The following LRMDA variants were observed in gnomAD, a reference collection of about 807,000 sequenced individuals.
LRMDA encodes the protein leucine rich melanocyte differentiation associated, also known as leucine-rich melanocyte differentiation-associated protein.
A neutral mutation model predicts 29.8 loss-of-function variants in LRMDA; 18 were observed. That is an observed-to-expected ratio of 0.60 (90% confidence interval 0.42 to 0.90). LRMDA has a LOEUF of 0.90. LRMDA is among the 40% of genes least tolerant of loss of function. LRMDA has a pLI of 0.00. For missense variants in LRMDA, 273 were observed against 273.9 expected, an observed-to-expected ratio of 1.00 and a Z score of 0.02; for synonymous variants, 125 against 109.4, an observed-to-expected ratio of 1.14 and a Z score of -0.89.
intron 2 of LRMDA, among the ~76,000 whole-genome samples, chr10:75,930,689 C>T (rs912215946): frequency 2.0e-5 from 3 of 152,166 alleles, no homozygotes; most frequent in Admixed American, 2.0e-4. Context: ...CATCTATCTC[C>T]ACTCCTATGC....
intron 5 of LRMDA, among the ~76,000 whole-genome samples, chr10:76,224,667 CTTTTTTTT>C (rs35143239): frequency 9.5e-6 from 1 of 105,376 alleles, no homozygotes; most frequent in African/African-American, 3.4e-5. Flanking sequence ...GTCTAGGACT[CTTTTTTTT>C]TTTTTTTTTT....
At chr10:76,197,044 C>T (rs1468329738) in intron 5 of LRMDA, among the ~76,000 whole-genome samples, 1 of 152,170 alleles carries the variant, frequency 6.6e-6, no homozygotes, top group Non-Finnish European at 1.5e-5. Context: ...GGTCTGATTC[C>T]TCTTTCACAT....
At chr10:75,459,807 T>C (rs1844563731) in intron 2 of LRMDA, among the ~76,000 whole-genome samples, 1 of 152,186 alleles carries the variant, frequency 6.6e-6, no homozygotes, top group African/African-American at 2.4e-5. Context: ...CATCATCGCA[T>C]GGTGGAAGTG....
At chr10:75,799,114 G>T (rs1843703452) in intron 2 of LRMDA, among the ~76,000 whole-genome samples, 2 of 152,176 alleles carry the variant, frequency 1.3e-5, no homozygotes, top group African/African-American at 4.8e-5. Flanking sequence ...AAGAGTTTCT[G>T]TGAGTTCTGA....
intron 2 of LRMDA, among the ~76,000 whole-genome samples, chr10:75,794,039 C>G (rs1843612438): frequency 6.6e-6 from 1 of 152,196 alleles, no homozygotes; most frequent in Admixed American, 6.5e-5. Context: ...TTTACACAAA[C>G]AGGCAGCAGG....
chr10:76,521,190 G>T (rs1262829084), intron 6 of LRMDA, among the ~76,000 whole-genome samples: 1 of 146,598 alleles, frequency 6.8e-6, no homozygotes, highest in Non-Finnish European at 1.5e-5. Context: ...CTGGAGTGCC[G>T]TGGCGCGATC....
chr10:76,338,328 T>C (rs1052825557), intron 6 of LRMDA, among the ~76,000 whole-genome samples: 1 of 151,824 alleles, frequency 6.6e-6, no homozygotes, highest in East Asian at 1.9e-4. Context: ...ATAGCCATTG[T>C]ATTCCAGCCG....
At chr10:76,525,487 G>A (rs1264106282) in intron 6 of LRMDA, among the ~76,000 whole-genome samples, 7 of 152,038 alleles carry the variant, frequency 4.6e-5, no homozygotes, top group Admixed American at 6.6e-5. Flanking sequence ...TTGTGTTTCC[G>A]CCGTGTGAAT....
In LRMDA at chr10:75,891,090, G is replaced by A. The variant is rs191255539; in HGVS notation, c.132-144918G>A. On this transcript the variant is annotated intron_variant, in intron 2 of 6. Transcript: ENST00000611255. ...ACCGCACTCCAGCCTGGGCGACAGAGCTAGACTCAGTCTCACAAAAAAAAA... is the reference window on the plus strand; with the variant it reads ...ACCGCACTCCAGCCTGGGCGACAGAACTAGACTCAGTCTCACAAAAAAAAA... Among the ~76,000 whole-genome samples the A allele has an allele frequency of 2.3e-3, 340 of 145,980 alleles. 1 individual carries two copies. The highest frequency in any genetic ancestry group is 3.0e-3 in the Admixed American group (43 of 14,166).
intron 2 of LRMDA, among the ~76,000 whole-genome samples, chr10:75,605,718 A>G (rs1034818745): frequency 2.0e-5 from 3 of 152,258 alleles, no homozygotes; most frequent in Admixed American, 1.3e-4. Context: ...ATCTAAGGTC[A>G]TGGTGAAGCT....
intron 2 of LRMDA, among the ~76,000 whole-genome samples, chr10:75,917,080 T>C (rs1000264052): frequency 9.8e-5 from 15 of 152,318 alleles, no homozygotes; most frequent in African/African-American, 3.6e-4. Flanking sequence ...AACAGTTTGC[T>C]GTGTAGAGGC....
intron 2 of LRMDA, among the ~76,000 whole-genome samples, chr10:75,482,470 A>G (rs985045829): frequency 6.6e-6 from 1 of 152,256 alleles, no homozygotes; most frequent in Non-Finnish European, 1.5e-5. Flanking sequence ...GGCTGATTCA[A>G]TAGCCACTAT....
At chr10:76,508,506 G>T (rs941240521) in intron 6 of LRMDA, among the ~76,000 whole-genome samples, 2 of 151,044 alleles carry the variant, frequency 1.3e-5, no homozygotes, top group Non-Finnish European at 2.9e-5. Flanking sequence ...TATTCTATGG[G>T]TTATAATCCA....
chr10:75,863,218 T>C (rs986537311), intron 2 of LRMDA, among the ~76,000 whole-genome samples: 4 of 152,212 alleles, frequency 2.6e-5, no homozygotes, highest in Non-Finnish European at 4.4e-5. Flanking sequence ...TAAAGCTTTA[T>C]TGCAGCTGTT....
At chr10:76,091,961 A>G (rs1849238839) in intron 5 of LRMDA, among the ~76,000 whole-genome samples, 1 of 152,160 alleles carries the variant, frequency 6.6e-6, no homozygotes, top group Non-Finnish European at 1.5e-5. Flanking sequence ...TGTTGGGATT[A>G]CAGATGTGAG....
At chr10:76,313,104 G>A (rs1211345721) in intron 5 of LRMDA, among the ~76,000 whole-genome samples, 1 of 152,108 alleles carries the variant, frequency 6.6e-6, no homozygotes, top group African/African-American at 2.4e-5. Flanking sequence ...AAACTGCCTG[G>A]ATTTGTGTCC....
At chr10:75,578,385 G>A (rs905148083) in intron 2 of LRMDA, among the ~76,000 whole-genome samples, 1 of 151,902 alleles carries the variant, frequency 6.6e-6, no homozygotes, top group African/African-American at 2.4e-5. Flanking sequence ...CAGTACAGGA[G>A]CCCCCAGATT....
At chr10:76,009,490 C>G (rs1847734374) in intron 2 of LRMDA, among the ~76,000 whole-genome samples, 1 of 152,164 alleles carries the variant, frequency 6.6e-6, no homozygotes, top group Non-Finnish European at 1.5e-5. Flanking sequence ...TTTGTTGGCT[C>G]TCTCCTTGCC....
chr10:76,029,946 A>T (rs777447582), intron 2 of LRMDA, among the ~76,000 whole-genome samples: 4 of 152,114 alleles, frequency 2.6e-5, no homozygotes, highest in Non-Finnish European at 5.9e-5. Context: ...CCCAGGCTGG[A>T]GTGCAGTGAC....
Sources: allele counts gnomAD v4.1 joint callset (sites outside exome capture counted in the v4.1 genomes callset), GRCh38; gene constraint gnomAD v4.1.1; transcripts MANE v1.5; gene names NCBI Gene and HGNC (gene_info 2026-07-23, HGNC 2026-07-21).